COQ9: variants seen among roughly 807,000 people sequenced by gnomAD.
The protein encoded by COQ9 is coenzyme Q9, also known as ubiquinone biosynthesis protein COQ9, mitochondrial.
A neutral mutation model predicts 42.4 loss-of-function variants in COQ9; 35 were observed. The observed-to-expected ratio is 0.83, with a 90% CI of 0.63 to 1.10. The LOEUF (loss-of-function observed/expected upper bound fraction) is 1.10. Among genes scored for constraint, COQ9 ranks in the 50% least tolerant of loss-of-function variants. The probability of loss-of-function intolerance (pLI) is 0.00; values close to 1 mark genes in which losing one functional copy is unlikely to be tolerated. For synonymous variants in COQ9, 155 were observed against 155.1 expected, an observed-to-expected ratio of 1.00 and a Z score of 0.00; for missense variants, 406 against 414.6, an observed-to-expected ratio of 0.98 and a Z score of 0.18.
intron 2 of COQ9, 141 bp from the exon 3 acceptor site, chr16:57,452,660 A>G (rs1465317597): frequency 9.0e-7 from 1 of 1,107,078 alleles, no homozygotes; most frequent in African/African-American, 1.5e-5. Flanking sequence ...AAAACAAACA[A>G]GAAAACCACA....
intron 6 of COQ9, 115 bp from the exon 7 acceptor site, chr16:57,459,450 G>A: frequency 3.0e-6 from 3 of 993,990 alleles, no homozygotes; most frequent in Middle Eastern, 6.1e-4. Flanking sequence ...AGGGCCAGAT[G>A]TATCTGTGAC....
rs1238635745 is a variant in COQ9 at position 57,460,637 on chromosome 16, T to G, written c.*13T>G. ...CCAGCGTCGGTGAGAGGAAGGGGTATAAGCTACAATGCCTAGAAGAGAATG... is the reference window on the plus strand; with the variant it reads ...CCAGCGTCGGTGAGAGGAAGGGGTAGAAGCTACAATGCCTAGAAGAGAATG... On this transcript the variant is annotated 3_prime_UTR_variant, in exon 9 of 9. Coordinates refer to ENST00000262507, the MANE Select transcript of COQ9 (RefSeq NM_020312.4). 3.1e-6 allele frequency: 5 copies of G among 1,611,264 alleles called. No individual in the cohort carries two copies. Among genetic ancestry groups the G allele is most frequent in the East Asian group, 2.2e-5 (1 of 44,884 alleles).
chr16:57,456,417 C>A, intron 3 of COQ9, 87 bp from the exon 4 acceptor site: 2 of 1,472,588 alleles, frequency 1.4e-6, no homozygotes, highest in Non-Finnish European at 1.9e-6. Context: ...GCTGCTGTCA[C>A]TAGGAAGAGG....
At position 57,458,276 on chromosome 16, in the gene COQ9, A is replaced by G; in HGVS notation, c.637A>G (p.Ile213Val). Residue 213 changes from isoleucine to valine, a missense_variant, in exon 6 of 9, where the codon ATC becomes GTC. Ile to Val is a conservative substitution (Grantham distance 29). Coordinates refer to ENST00000262507, the MANE Select transcript of COQ9 (RefSeq NM_020312.4). Reference sequence around the variant, plus strand: ...CAGCATCCTCATGCTCCCTCACAACATCCCGTCCAGCCTGAGCCTGCTCAC... The same window carrying G: ...CAGCATCCTCATGCTCCCTCACAACGTCCCGTCCAGCCTGAGCCTGCTCAC... Reference protein sequence around the residue: ...ALSILMLPHNIPSSLSLLTSM... With the variant: ...ALSILMLPHNVPSSLSLLTSM... 1 of 1,612,426 alleles carries G rather than the reference A, an allele frequency of 6.2e-7. No homozygotes were observed. The highest frequency in any genetic ancestry group is 8.5e-7 in the Non-Finnish European group (1 of 1,179,348).
rs192310711 is a variant in COQ9, at chr16:57,452,546, G to A, written c.243-255G>A. Among the ~76,000 whole-genome samples the A allele has an allele frequency of 3.3e-5, 5 of 152,290 alleles. No individual in the cohort carries two copies. The East Asian group carries it at 9.7e-4, about 29-fold the overall frequency. ...AGTCTCATCGACTTAGGAGGCTGAG[G>A]CAGGAGACTTGCTTGAACCCGGGAG... On this transcript the variant is annotated intron_variant, in intron 2 of 8. Coordinates refer to ENST00000262507, the MANE Select transcript of COQ9 (RefSeq NM_020312.4).
intron 3 of COQ9, chr16:57,453,435 C>G: frequency 3.8e-6 from 1 of 262,144 alleles, no homozygotes; most frequent in South Asian, 4.3e-5. Context: ...ACTCTAATAG[C>G]ATTTTCTGCA....
At chr16:57,459,999 A>T in intron 7 of COQ9, 52 bp from the exon 8 acceptor site, 1 of 1,573,810 alleles carries the variant, frequency 6.4e-7, no homozygotes, top group Middle Eastern at 1.8e-4. Context: ...GCCTGTCTCA[A>T]GTTTAACTTT....
At chr16:57,448,347 T>TA (rs1401172035) in intron 1 of COQ9, among the ~76,000 whole-genome samples, 1 of 151,524 alleles carries the variant, frequency 6.6e-6, no homozygotes, top group Non-Finnish European at 1.5e-5. Context: ...TTTTTTTCTT[T>TA]TTTTTTTTTT....
intron 1 of COQ9, among the ~76,000 whole-genome samples, chr16:57,448,327 TTC>T (rs1457534228): frequency 6.6e-6 from 1 of 151,958 alleles, no homozygotes; most frequent in Non-Finnish European, 1.5e-5. Context: ...GCACATACTA[TTC>T]TGTTTCTTTT....
chr16:57,459,488 A>T, intron 6 of COQ9, 77 bp from the exon 7 acceptor site: 3 of 1,474,332 alleles, frequency 2.0e-6, no homozygotes, highest in Non-Finnish European at 2.8e-6. Context: ...GAGGGAACCC[A>T]GGAGTTCCCA....
rs1221221544 is a variant in COQ9 at position 57,451,134 on chromosome 16, C to T, written c.168C>T (p.Asn56=). 6.2e-7 allele frequency: 1 copy of T among 1,614,204 alleles called. No individual in the cohort carries two copies. The highest frequency in any genetic ancestry group is 1.1e-5 in the South Asian group (1 of 91,084). Residue 56 remains asparagine (N), a synonymous_variant, in exon 2 of 9, where the codon AAC becomes AAT. Coordinates refer to ENST00000262507, the MANE Select transcript of COQ9 (RefSeq NM_020312.4). ...SSDEQKQQPP[N]SFSQQHSETQ... The stretch of plus-strand genomic sequence containing the variant: ...ATGAGCAGAAGCAGCAGCCTCCCAA[C>T]TCATTTTCTCAGCAGCATTCTGAGA...
At position 57,460,984 on chromosome 16, in the gene COQ9, T is replaced by G. The variant is rs2030523350; in HGVS notation, c.*360T>G. On this transcript the variant is annotated 3_prime_UTR_variant, in exon 9 of 9. Coordinates refer to ENST00000262507, the MANE Select transcript of COQ9 (RefSeq NM_020312.4). The stretch of plus-strand genomic sequence containing the variant: ...TCATGTCTTAACCTTCCCTTAACCT[T>G]GGGGCTCCCAAGCCAGAGTCAAGGT... The G allele has an allele frequency of 2.8e-6, 1 of 363,410 alleles. No homozygotes were observed. The highest frequency in any genetic ancestry group is 2.1e-5 in the African/African-American group (1 of 46,996). 22.5% of individuals were successfully genotyped at this position (363,410 alleles called of 1,614,324 possible). A position where few individuals can be genotyped will look rare whatever the true frequency, so the allele number is the denominator to read the frequency against.
At chr16:57,452,228 G>A (rs1278698262) in intron 2 of COQ9, among the ~76,000 whole-genome samples, 2 of 152,220 alleles carry the variant, frequency 1.3e-5, no homozygotes, top group African/African-American at 4.8e-5. Context: ...GCTAAGGGCT[G>A]AAAACAGGGA....
chr16:57,447,515 G>A lies in COQ9; in HGVS notation c.10G>A (p.Ala4Thr), dbSNP rs1467407197. 2 of 1,310,510 alleles carry A rather than the reference G, an allele frequency of 1.5e-6. No homozygotes were observed. The highest frequency in any genetic ancestry group is 9.8e-7 in the Non-Finnish European group (1 of 1,023,198). The allele number at this position is 1,310,510 out of a possible 1,614,324, so 81.2% of individuals were successfully genotyped here. The change falls in exon 1 of 9, where the codon GCG (alanine) becomes ACG (threonine). Residue 4 changes from alanine to threonine, a missense_variant. Physicochemically the swap from Ala to Thr is moderately conservative, Grantham distance 58 (BLOSUM62 0). Coordinates refer to ENST00000262507, the MANE Select transcript of COQ9 (RefSeq NM_020312.4). Reference sequence around the variant, plus strand: ...CGTGCCCGCTTCCAAAATGGCGGCGGCGGCGGTATCTGGTGCGCTTGGCCG... The same window carrying A: ...CGTGCCCGCTTCCAAAATGGCGGCGACGGCGGTATCTGGTGCGCTTGGCCG... MAA[A>T]AVSGALGRAG... is the part of the protein sequence containing the mutation.
At chr16:57,457,601 TG>T (rs1373314800) in intron 5 of COQ9, among the ~76,000 whole-genome samples, 1 of 152,232 alleles carries the variant, frequency 6.6e-6, no homozygotes, top group African/African-American at 2.4e-5. Context: ...TTTGCTCAGC[TG>T]GAAGACTACT....
intron 6 of COQ9, 69 bp from the exon 7 acceptor site, chr16:57,459,496 C>G: frequency 6.4e-7 from 1 of 1,559,872 alleles, no homozygotes; most frequent in Non-Finnish European, 8.8e-7. Context: ...CCAGGAGTTC[C>G]CATGGCCTTG....
rs1257043313 is a variant in COQ9 at position 57,452,902 on chromosome 16, G to A, written c.344G>A (p.Gly115Glu). 6.2e-7 allele frequency: 1 copy of A among 1,613,826 alleles called. No individual in the cohort carries two copies. The highest frequency in any genetic ancestry group is 1.3e-5 in the African/African-American group (1 of 75,016). Residue 115 changes from glycine to glutamate, a missense_variant, in exon 3 of 9, where the codon GGG becomes GAG. Coordinates refer to ENST00000262507, the MANE Select transcript of COQ9 (RefSeq NM_020312.4). The part of the protein sequence containing the change: ...TAALEFVPAH[G>E]WTAEAIAEGA... ...GCCCTTGAGTTTGTGCCCGCCCACGGGTGGACAGCAGAGGCGATTGCAGAA... is the reference window on the plus strand; with the variant it reads ...GCCCTTGAGTTTGTGCCCGCCCACGAGTGGACAGCAGAGGCGATTGCAGAA...
intron 2 of COQ9, among the ~76,000 whole-genome samples, chr16:57,451,864 A>G (rs2146586672): frequency 6.6e-6 from 1 of 152,362 alleles, no homozygotes; most frequent in African/African-American, 2.4e-5. Context: ...ATAATATGAT[A>G]AAGTGTGTGA....
intron 1 of COQ9, among the ~76,000 whole-genome samples, chr16:57,448,813 CA>C (rs34483326): frequency 6.6e-6 from 1 of 151,942 alleles, no homozygotes; most frequent in Admixed American, 6.5e-5. Flanking sequence ...TATGTGTCTA[CA>C]AAAAAGTTAG....
Sources: gnomAD v4.1 joint callset for allele counts (sites outside exome capture counted in the v4.1 genomes callset) on GRCh38, gnomAD v4.1.1 for gene constraint, MANE v1.5 for transcripts, NCBI Gene and HGNC (gene_info 2026-07-23, HGNC 2026-07-21) for gene names.